The following ARHGEF12 variants were observed in gnomAD, a reference collection of about 807,000 sequenced individuals.
ARHGEF12 encodes KMT2A/ARHGEF12 fusion protein.
A neutral mutation model predicts 211.2 loss-of-function variants in ARHGEF12; 66 were observed. The ratio of observed to expected loss-of-function variants is 0.31; its 90% CI spans 0.26 to 0.38. The LOEUF is 0.38. Ranked by LOEUF, ARHGEF12 falls within the 10% of genes least tolerant of loss-of-function variation. The pLI is 1.00. For missense variants in ARHGEF12, 1,429 were observed against 1,869.5 expected, an observed-to-expected ratio of 0.76 and a Z score of 4.34; for synonymous variants, 592 against 638.4, an observed-to-expected ratio of 0.93 and a Z score of 1.09.
Position 120,486,133 on chromosome 11 carries a change from A to G in ARHGEF12, c.*1056A>G. On this transcript the variant is annotated 3_prime_UTR_variant, in exon 41 of 41. Transcript: ENST00000397843. ...GAGTTTGGGAAGGTTATCTAACTGA[A>G]TCACTACTGAGTTGAATCATGGCTA... 4.3e-6 allele frequency: 1 copy of G among 233,580 alleles called. No homozygotes were observed. The highest frequency in any genetic ancestry group is 8.5e-6 in the Non-Finnish European group (1 of 117,996). 14.5% of individuals were successfully genotyped at this position (233,580 alleles called of 1,614,324 possible).
chr11:120,441,594 A>AT, intron 13 of ARHGEF12, 113 bp from the exon 14 acceptor site: 2 of 735,988 alleles, frequency 2.7e-6, no homozygotes, highest in Non-Finnish European at 4.3e-6. Flanking sequence ...TAAATCTTGA[A>AT]TTTTTTATAG....
At chr11:120,436,980 A>G (rs2135756064) in intron 11 of ARHGEF12, among the ~76,000 whole-genome samples, 1 of 143,308 alleles carries the variant, frequency 7.0e-6, no homozygotes, top group South Asian at 2.2e-4. Flanking sequence ...GGATTAAGGA[A>G]GATAAGAGAG....
At chr11:120,450,097 G>A (rs1565490905) in intron 21 of ARHGEF12, 1 of 152,184 alleles carries the variant, frequency 6.6e-6, no homozygotes, top group South Asian at 2.1e-4. Flanking sequence ...GAAGCCAGGT[G>A]CGGTGACTCT....
chr11:120,475,545 C>G, intron 33 of ARHGEF12, 38 bp downstream of exon 33: 1 of 1,599,022 alleles, frequency 6.3e-7, no homozygotes, highest in Middle Eastern at 1.7e-4. Flanking sequence ...TTTCCAGATT[C>G]ATTGTGAAGT....
At chr11:120,479,025 C>T (rs1198481831) in intron 37 of ARHGEF12, among the ~76,000 whole-genome samples, 1 of 152,080 alleles carries the variant, frequency 6.6e-6, no homozygotes, top group Non-Finnish European at 1.5e-5. Context: ...TTTCTTTTTT[C>T]TTTCTTTTGA....
intron 1 of ARHGEF12, among the ~76,000 whole-genome samples, chr11:120,372,946 T>A (rs1943628618): frequency 6.6e-6 from 1 of 152,136 alleles, no homozygotes. Context: ...TAAAAATAAA[T>A]GCACAAAATA....
At chr11:120,438,404 A>G (rs904132927) in intron 12 of ARHGEF12, 6 of 152,140 alleles carry the variant, frequency 3.9e-5, no homozygotes, top group Non-Finnish European at 8.8e-5. Context: ...CAGCCTCCCA[A>G]AGTGCTGGGA....
At chr11:120,429,025 T>C (rs1175409920) in intron 8 of ARHGEF12, among the ~76,000 whole-genome samples, 1 of 152,146 alleles carries the variant, frequency 6.6e-6, no homozygotes, top group Non-Finnish European at 1.5e-5. Flanking sequence ...TAAAATATTA[T>C]AGGGTTGTGA....
At chr11:120,478,700 C>T (rs543683014) in intron 37 of ARHGEF12, among the ~76,000 whole-genome samples, 59 of 152,176 alleles carry the variant, frequency 3.9e-4, no homozygotes, top group Non-Finnish European at 7.9e-4. Flanking sequence ...TTTAAACCAG[C>T]GTATGACTAA....
In ARHGEF12 at chr11:120,472,891, G is replaced by A. The variant is rs550038808; in HGVS notation, c.2956-159G>A. On this transcript the variant is annotated intron_variant, in intron 30 of 40. Coordinates refer to ENST00000397843, the MANE Select transcript of ARHGEF12 (RefSeq NM_015313.3). ...AGGATGGTCTTGATCTCCTAACCTCGTGATCCACCTGCCTCAGCCTCCCAA... is the reference window on the plus strand; with the variant it reads ...AGGATGGTCTTGATCTCCTAACCTCATGATCCACCTGCCTCAGCCTCCCAA... Among the ~76,000 whole-genome samples, 39 of 152,000 alleles carry A rather than the reference G, an allele frequency of 2.6e-4. 1 individual carries two copies. Among genetic ancestry groups the A allele is most frequent in the Admixed American group, 3.3e-4 (5 of 15,254 alleles).
At chr11:120,350,154 A>G (rs1942890724) in intron 1 of ARHGEF12, among the ~76,000 whole-genome samples, 1 of 152,146 alleles carries the variant, frequency 6.6e-6, no homozygotes, top group Admixed American at 6.5e-5. Context: ...CTACCTGCTG[A>G]ATTATATCTT....
chr11:120,355,782 A>G (rs1482336821), intron 1 of ARHGEF12, among the ~76,000 whole-genome samples: 2 of 152,192 alleles, frequency 1.3e-5, no homozygotes, highest in South Asian at 2.1e-4. Flanking sequence ...ACCCAATTTT[A>G]TGTTACTCCA....
intron 1 of ARHGEF12, among the ~76,000 whole-genome samples, chr11:120,341,977 T>C (rs543035148): frequency 2.2e-4 from 34 of 152,328 alleles, no homozygotes; most frequent in Admixed American, 1.3e-3. Flanking sequence ...TATTTTCAGT[T>C]CAGTACAGGG....
In ARHGEF12 at chr11:120,341,902, T is replaced by C. The variant is rs12574865; in HGVS notation, c.32+4627T>C. Among the ~76,000 whole-genome samples the C allele has an allele frequency of 3.5e-4, 42 of 119,442 alleles. No homozygotes were observed. The East Asian group carries it at 7.5e-3, about 21-fold the overall frequency. 78.4% of individuals were successfully genotyped at this position (119,442 alleles called of 152,430 possible). A position where few individuals can be genotyped will look rare whatever the true frequency, so the allele number is the denominator to read the frequency against. Reference sequence around the variant, plus strand: ...AACAAAATTATATTTTTGCCTTCTTTTGAGTAAAATACCATCATGTAGGTA... The same window carrying C: ...AACAAAATTATATTTTTGCCTTCTTCTGAGTAAAATACCATCATGTAGGTA... On this transcript the variant is annotated intron_variant, in intron 1 of 40. Transcript: ENST00000397843.
intron 12 of ARHGEF12, 102 bp from the exon 13 acceptor site, chr11:120,440,027 A>G (rs1392217607): frequency 1.4e-5 from 11 of 808,318 alleles, no homozygotes; most frequent in African/African-American, 3.5e-5. Flanking sequence ...AAGAAATCTC[A>G]CCATTTAAGT....
At chr11:120,372,797 T>C (rs77781600) in intron 1 of ARHGEF12, among the ~76,000 whole-genome samples, 4,021 of 152,264 alleles carry the variant, frequency 0.026, 190 homozygotes, top group African/African-American at 0.092. Flanking sequence ...CCTTAGCTTT[T>C]GTCTCTTTAT....
intron 11 of ARHGEF12, among the ~76,000 whole-genome samples, chr11:120,436,540 T>C (rs1945698592): frequency 6.6e-6 from 1 of 152,188 alleles, no homozygotes; most frequent in African/African-American, 2.4e-5. Context: ...TATACAGAAG[T>C]TCTCAGTATT....
rs779478124 is a variant in ARHGEF12, at chr11:120,428,101, C to T, written c.439C>T (p.Arg147Cys). ...GSYVALTVQG[R>C]PPGSPQIPLA... Reference sequence around the variant, plus strand: ...CTATGTAGCTCTCACTGTTCAGGGACGCCCACCTGGGTCGCCCCAGATTCC... The same window carrying T: ...CTATGTAGCTCTCACTGTTCAGGGATGCCCACCTGGGTCGCCCCAGATTCC... Residue 147 changes from arginine to cysteine, a missense_variant, in exon 8 of 41, where the codon CGC becomes TGC. By Grantham distance (180) the Arg-to-Cys change is radical. Around this residue, in one of 7 missense-constraint regions of ARHGEF12, gnomAD observed 254 missense variants for 286.4 expected, o/e 0.89. Coordinates refer to ENST00000397843, the MANE Select transcript of ARHGEF12 (RefSeq NM_015313.3). 18 of 1,606,984 alleles carry T rather than the reference C, an allele frequency of 1.1e-5. No individual in the cohort carries two copies. The highest frequency in any genetic ancestry group is 1.5e-5 in the Non-Finnish European group (18 of 1,177,146).
At chr11:120,366,083 C>G (rs571408694) in intron 1 of ARHGEF12, 2 of 152,208 alleles carry the variant, frequency 1.3e-5, no homozygotes, top group Non-Finnish European at 2.9e-5. Flanking sequence ...CATAACAAGA[C>G]CCTGTCTCTA....
Sources: gnomAD v4.1 joint callset for allele counts (sites outside exome capture counted in the v4.1 genomes callset) on GRCh38, gnomAD v4.1.1 for gene constraint, gnomAD v4.1.1 regional missense constraint, MANE v1.5 for transcripts, NCBI Gene and HGNC (gene_info 2026-07-23, HGNC 2026-07-21) for gene names.